The following DRC11L variants were observed in gnomAD, a reference collection of about 807,000 sequenced individuals.
DRC11L encodes dynein regulatory complex subunit like-11.
At chr7:151,194,681 G>A in the DRC11L span, 1 of 398,270 alleles carries the variant, frequency 2.5e-6, no homozygotes, top group East Asian at 3.6e-5. Flanking sequence ...AGGCAGAGAT[G>A]GGGGCTGTTG....
At chr7:151,204,402 T>C in the DRC11L span, 1 of 242,582 alleles carries the variant, frequency 4.1e-6, no homozygotes, top group Non-Finnish European at 7.8e-6. Flanking sequence ...GACCCCAAGC[T>C]GGCCAGGGCG....
At chr7:151,195,291 G>A in the DRC11L span, 573 of 397,302 alleles carry the variant, frequency 1.4e-3, 1 homozygote, top group Non-Finnish European at 2.2e-3. Context: ...CTTGGTGAAC[G>A]AGGCCAGGGA....
chr7:151,198,904 A>G, the DRC11L span: 1 of 398,792 alleles, frequency 2.5e-6, no homozygotes, highest in African/African-American at 2.1e-5. Context: ...GCTGCCCGGA[A>G]CTCCTCCTCT....
the DRC11L span, among the ~76,000 whole-genome samples, chr7:151,199,494 C>T: frequency 6.6e-6 from 1 of 152,220 alleles, no homozygotes; most frequent in Admixed American, 6.5e-5. The surrounding 1 kb of genome is among the most constrained non-coding windows in gnomAD (Gnocchi z 5.2). Flanking sequence ...GCACGGACCC[C>T]TCCCTGCTGA....
chr7:151,193,026 C>T, the DRC11L span, among the ~76,000 whole-genome samples: 1 of 152,216 alleles, frequency 6.6e-6, no homozygotes, highest in Admixed American at 6.5e-5. Context: ...TAAACTGAGT[C>T]ACTGCCCCCC....
At chr7:151,202,632 G>A in the DRC11L span, among the ~76,000 whole-genome samples, 83,462 of 151,990 alleles carry the variant, frequency 0.55, 24,359 homozygotes, top group East Asian at 0.75. Context: ...TGGGTAGATC[G>A]CTTGAAGTCA....
chr7:151,204,644 C>G, the DRC11L span: 13 of 399,092 alleles, frequency 3.3e-5, no homozygotes, highest in African/African-American at 2.3e-4. Flanking sequence ...GCCGCCGCTT[C>G]TGCGGCTGCA....
chr7:151,204,002 G>A, the DRC11L span, among the ~76,000 whole-genome samples: 3 of 152,322 alleles, frequency 2.0e-5, no homozygotes, highest in East Asian at 5.8e-4. Context: ...TCTAGAACTT[G>A]CCCGTGCACA....
the DRC11L span, chr7:151,204,411 C>A: frequency 5.5e-6 from 2 of 362,544 alleles, no homozygotes; most frequent in Non-Finnish European, 9.7e-6. Flanking sequence ...CTGGCCAGGG[C>A]GTGGCTCTGT....
At chr7:151,192,635 AG>A in the DRC11L span, 1 of 398,924 alleles carries the variant, frequency 2.5e-6, no homozygotes, top group Non-Finnish European at 4.4e-6. Flanking sequence ...GGCATGTGCA[AG>A]GCCCCAGTGG....
At chr7:151,200,562 C>T in the DRC11L span, 9 of 398,112 alleles carry the variant, frequency 2.3e-5, no homozygotes, top group East Asian at 3.6e-5. Context: ...TAGAGATTTC[C>T]GGTGGGGTGG....
At chr7:151,191,778 G>A in the DRC11L span, 13 of 399,070 alleles carry the variant, frequency 3.3e-5, no homozygotes, top group Non-Finnish European at 4.4e-5. Flanking sequence ...TGGAGAATGT[G>A]ACCCGGCGTG....
chr7:151,193,560 C>T, the DRC11L span: 3 of 399,058 alleles, frequency 7.5e-6, no homozygotes, highest in East Asian at 3.6e-5. Flanking sequence ...GAGATGACTG[C>T]GTAAGGTCAG....
the DRC11L span, chr7:151,202,906 G>C: frequency 2.5e-6 from 1 of 399,842 alleles, no homozygotes; most frequent in Non-Finnish European, 4.4e-6. Flanking sequence ...GGCACCTAGG[G>C]TTACCTTCTG....
the DRC11L span, among the ~76,000 whole-genome samples, chr7:151,198,582 A>G: frequency 1.3e-5 from 2 of 152,090 alleles, no homozygotes; most frequent in Non-Finnish European, 2.9e-5. Context: ...TGTGGAATTG[A>G]GAAGTCAGGT....
chr7:151,190,884 G>T, the DRC11L span: 1 of 398,294 alleles, frequency 2.5e-6, no homozygotes, highest in Non-Finnish European at 4.4e-6. Context: ...TTGTTCCCAA[G>T]TCATCTGGGC....
chr7:151,195,169 T>C, the DRC11L span, among the ~76,000 whole-genome samples: 1 of 152,124 alleles, frequency 6.6e-6, no homozygotes, highest in African/African-American at 2.4e-5. Flanking sequence ...TGGAGAGCAA[T>C]GACCTGATTA....
chr7:151,201,146 C>T, the DRC11L span, among the ~76,000 whole-genome samples: 1 of 152,254 alleles, frequency 6.6e-6, no homozygotes, highest in Admixed American at 6.5e-5. This position sits in a 1 kb window ranked among gnomAD's most constrained non-coding sequence, Gnocchi z 4.1. Flanking sequence ...AAGGCAGAGT[C>T]AGGGCCCGGG....
the DRC11L span, chr7:151,193,358 G>A: frequency 2.5e-5 from 10 of 399,538 alleles, no homozygotes; most frequent in Admixed American, 4.4e-5. Context: ...CAGGTTTTCC[G>A]GCGACAGGTC....
Sources: gnomAD v4.1 joint callset for allele counts (sites outside exome capture counted in the v4.1 genomes callset) on GRCh38, gnomAD v4.1.1 for gene constraint, Gnocchi (gnomAD v3.1) non-coding constraint, MANE v1.5 for transcripts, NCBI Gene and HGNC (gene_info 2026-07-23, HGNC 2026-07-21) for gene names.